CADPS2: variants seen among roughly 807,000 people sequenced by gnomAD.
CADPS2 encodes calcium dependent secretion activator 2, also known as calcium-dependent secretion activator 2.
A neutral mutation model predicts 172.5 loss-of-function variants in CADPS2; 93 were observed. That is an observed-to-expected ratio of 0.54 (90% CI 0.46 to 0.64). CADPS2 has a LOEUF of 0.64. Ranked by LOEUF, CADPS2 falls within the 30% of genes least tolerant of loss-of-function variation. The pLI, the probability that CADPS2 is intolerant of heterozygous loss-of-function variation, is 0.00. For missense variants in CADPS2, 1,420 were observed against 1,565.9 expected, an observed-to-expected ratio of 0.91 and a Z score of 1.57; for synonymous variants, 546 against 555.2, an observed-to-expected ratio of 0.98 and a Z score of 0.23.
chr7:122,725,430 A>G (rs891135774), intron 2 of CADPS2, among the ~76,000 whole-genome samples: 4 of 151,736 alleles, frequency 2.6e-5, no homozygotes, highest in East Asian at 3.9e-4. Flanking sequence ...TTTAGGGGGT[A>G]TAAGTGTAGT....
At chr7:122,473,765 C>T (rs1050708636) in intron 13 of CADPS2, among the ~76,000 whole-genome samples, 1 of 152,172 alleles carries the variant, frequency 6.6e-6, no homozygotes, top group Non-Finnish European at 1.5e-5. Flanking sequence ...ATAAATTATA[C>T]TTCATATCCC....
At chr7:122,668,149 A>G (rs1237572607) in intron 2 of CADPS2, among the ~76,000 whole-genome samples, 1 of 152,240 alleles carries the variant, frequency 6.6e-6, no homozygotes, top group African/African-American at 2.4e-5. Context: ...GCTAGAGAGA[A>G]AAGTGGAGTT....
At chr7:122,332,221 A>G (rs973849602) in intron 28 of CADPS2, among the ~76,000 whole-genome samples, 1 of 152,200 alleles carries the variant, frequency 6.6e-6, no homozygotes, top group African/African-American at 2.4e-5. Flanking sequence ...TCAAATGGCT[A>G]TTAGGTTATA....
chr7:122,319,949 AAAAAC>A lies in CADPS2; in HGVS notation c.*211_*215del. 2.5e-6 allele frequency: 1 copy of A among 397,800 alleles called. No homozygotes were observed. The highest frequency in any genetic ancestry group is 4.2e-6 in the Non-Finnish European group (1 of 235,932). 24.6% of individuals were successfully genotyped at this position (397,800 alleles called of 1,614,324 possible). On this transcript the variant is annotated 3_prime_UTR_variant, in exon 30 of 30. Transcript: ENST00000449022. ...CACAAAAGAGGATGCTCTTCTCCAA[AAAAAC>A]AAACAAACAAACAAACAAAAAAAGG...
intron 2 of CADPS2, among the ~76,000 whole-genome samples, chr7:122,671,630 G>A (rs926817560): frequency 2.0e-5 from 3 of 150,356 alleles, no homozygotes; most frequent in Non-Finnish European, 2.9e-5. Context: ...AATGAGCCTC[G>A]TCTTGTGAGA....
At chr7:122,679,518 C>T (rs942716068) in intron 2 of CADPS2, among the ~76,000 whole-genome samples, 14 of 152,122 alleles carry the variant, frequency 9.2e-5, no homozygotes, top group East Asian at 1.9e-4. Flanking sequence ...CTTGTGATCT[C>T]GCCCTAACCT....
intron 3 of CADPS2, among the ~76,000 whole-genome samples, chr7:122,655,534 T>C (rs945895734): frequency 6.6e-6 from 1 of 152,158 alleles, no homozygotes; most frequent in Non-Finnish European, 1.5e-5. Context: ...GGTTATTTTT[T>C]AAACATAATT....
chr7:122,365,149 T>C (rs1439276893), intron 25 of CADPS2, among the ~76,000 whole-genome samples: 1 of 152,204 alleles, frequency 6.6e-6, no homozygotes, highest in African/African-American at 2.4e-5. Flanking sequence ...CATTGGCTTA[T>C]ATACAAGTTA....
intron 1 of CADPS2, among the ~76,000 whole-genome samples, chr7:122,877,464 A>G (rs543748874): frequency 6.6e-6 from 1 of 152,332 alleles, no homozygotes; most frequent in East Asian, 1.9e-4. Flanking sequence ...GACAAAAGCC[A>G]TCACTATCAA....
At chr7:122,798,299 C>G (rs978043079) in intron 1 of CADPS2, among the ~76,000 whole-genome samples, 1 of 151,966 alleles carries the variant, frequency 6.6e-6, no homozygotes, top group African/African-American at 2.4e-5. Flanking sequence ...TTCACCCAGC[C>G]CCTAGACCAA....
At chr7:122,548,422 C>T (rs2063849540) in intron 8 of CADPS2, among the ~76,000 whole-genome samples, 1 of 151,890 alleles carries the variant, frequency 6.6e-6, no homozygotes, top group African/African-American at 2.4e-5. Context: ...AAAACTATAA[C>T]TAAAAATAAA....
intron 1 of CADPS2, among the ~76,000 whole-genome samples, chr7:122,751,616 G>T (rs2092956717): frequency 6.6e-6 from 1 of 152,032 alleles, no homozygotes; most frequent in Non-Finnish European, 1.5e-5. Context: ...CATGAAAAGG[G>T]TCTCACAATA....
chr7:122,416,174 A>T lies in CADPS2; in HGVS notation c.2477-10T>A. 6.8e-7 allele frequency: 1 copy of T among 1,464,094 alleles called. No individual in the cohort carries two copies. The allele number at this position is 1,464,094 out of a possible 1,614,324, so 90.7% of individuals were successfully genotyped here. ...GCCTGGTTCATGGTCTCTATATGAA[A>T]AAAAATCATAATCATGTTACCTTGA... On this transcript the variant is annotated splice_polypyrimidine_tract_variant and intron_variant, in intron 17 of 29. Coordinates refer to ENST00000449022, the MANE Select transcript of CADPS2 (RefSeq NM_017954.11).
In CADPS2 at chr7:122,319,606, G is replaced by A. The variant is rs1453455564; in HGVS notation, c.*559C>T. ...ATCCTTTCATCCCAGGAATATACCT[G>A]TAGACCAATTCAAAGTACTAAGAAC... On this transcript the variant is annotated 3_prime_UTR_variant, in exon 30 of 30. Transcript: ENST00000449022. 1.3e-5 allele frequency: 2 copies of A among 152,160 alleles called. No individual in the cohort carries two copies. The highest frequency in any genetic ancestry group is 3.9e-4 in the East Asian group (2 of 5,192). The allele number at this position is 152,160 out of a possible 1,614,324, so 9.4% of individuals were successfully genotyped here. A position where few individuals can be genotyped will look rare whatever the true frequency, so the allele number is the denominator to read the frequency against.
intron 3 of CADPS2, among the ~76,000 whole-genome samples, chr7:122,655,518 T>C (rs979838172): frequency 1.3e-5 from 2 of 152,174 alleles, no homozygotes; most frequent in African/African-American, 4.8e-5. Context: ...TAAATTAAGA[T>C]ACATAGGTTA....
At chr7:122,395,591 G>T (rs1403345455) in intron 20 of CADPS2, 2 of 152,058 alleles carry the variant, frequency 1.3e-5, no homozygotes, top group Non-Finnish European at 2.9e-5. Flanking sequence ...AAACTTTAAG[G>T]ATAAAATATT....
At chr7:122,510,714 T>C (rs1219062702) in intron 9 of CADPS2, among the ~76,000 whole-genome samples, 1 of 152,146 alleles carries the variant, frequency 6.6e-6, no homozygotes, top group Non-Finnish European at 1.5e-5. Flanking sequence ...CTTTCAATAA[T>C]GCAGCCTGCA....
intron 2 of CADPS2, among the ~76,000 whole-genome samples, chr7:122,732,881 A>C (rs1040265625): frequency 2.7e-5 from 4 of 145,986 alleles, no homozygotes; most frequent in African/African-American, 1.0e-4. Flanking sequence ...TATATATGCT[A>C]TGTATAATAT....
chr7:122,400,573 G>A (rs1168270721), intron 20 of CADPS2, among the ~76,000 whole-genome samples: 1 of 152,112 alleles, frequency 6.6e-6, no homozygotes, highest in African/African-American at 2.4e-5. Context: ...TTACCATACT[G>A]GTCAGTAAAA....
Sources: gnomAD v4.1 joint callset for allele counts (sites outside exome capture counted in the v4.1 genomes callset) on GRCh38, gnomAD v4.1.1 for gene constraint, MANE v1.5 for transcripts, NCBI Gene and HGNC (gene_info 2026-07-23, HGNC 2026-07-21) for gene names.